SDK2: variants seen among roughly 807,000 people sequenced by gnomAD.
SDK2 encodes sidekick cell adhesion molecule 2.
A neutral mutation model predicts 253.9 loss-of-function variants in SDK2; 105 were observed. That is an observed-to-expected ratio of 0.41 (90% confidence interval 0.35 to 0.49). The LOEUF (loss-of-function observed/expected upper bound fraction) is 0.49, where lower values mean the gene tolerates loss of function less well. Ranked by LOEUF, SDK2 falls within the 20% of genes least tolerant of loss-of-function variation. SDK2 has a pLI of 0.06. For synonymous variants in SDK2, 1,249 were observed against 1,234.9 expected (o/e 1.01, Z -0.24); for missense variants, 2,608 against 3,003.0 (o/e 0.87, Z 3.07).
intron 18 of SDK2, among the ~76,000 whole-genome samples, chr17:73,410,323 G>GTTTC (rs2063115478): frequency 7.9e-5 from 12 of 151,684 alleles, no homozygotes; most frequent in East Asian, 1.9e-4. Context: ...TTGTTTGTTT[G>GTTTC]TTTGTTTTGA....
Position 73,467,210 on chromosome 17 carries a change from T to G in SDK2, c.331+4902A>C, listed in dbSNP as rs1235132657. On this transcript the variant is annotated intron_variant, in intron 3 of 44. Coordinates refer to ENST00000392650, the MANE Select transcript of SDK2 (RefSeq NM_001144952.2). This position sits in a 1 kb window ranked among gnomAD's most constrained non-coding sequence, Gnocchi z 4.1. ...GCCCAGGGCTGTCCCTGATTCTGTC[T>G]GAACTCTGACCCCAGCAGCTCACCC... Among the ~76,000 whole-genome samples the G allele has an allele frequency of 1.3e-5, 2 of 152,094 alleles. No homozygotes were observed. Among genetic ancestry groups the G allele is most frequent in the African/African-American group, 4.8e-5 (2 of 41,420 alleles).
Position 73,352,724 on chromosome 17 carries a change from G to A in SDK2, c.5594-87C>T. On this transcript the variant is annotated intron_variant, in intron 40 of 44. Coordinates refer to ENST00000392650, the MANE Select transcript of SDK2 (RefSeq NM_001144952.2). This position sits in a 1 kb window ranked among gnomAD's most constrained non-coding sequence, Gnocchi z 4.1. ...GCCCCGTTCTGACTATGCTCCCTGA[G>A]GGCTGGGCCTGTTGGATCCTCCCTG... 7.2e-7 allele frequency: 1 copy of A among 1,392,696 alleles called. No individual in the cohort carries two copies. The highest frequency in any genetic ancestry group is 2.4e-5 in the East Asian group (1 of 42,192). The allele number at this position is 1,392,696 out of a possible 1,614,324, so 86.3% of individuals were successfully genotyped here.
Position 73,612,745 on chromosome 17 carries a change from C to T in SDK2, c.64+31280G>A, listed in dbSNP as rs1215649786. Among the ~76,000 whole-genome samples, 1 of 152,014 alleles carries T rather than the reference C, an allele frequency of 6.6e-6. No individual in the cohort carries two copies. Among genetic ancestry groups the T allele is most frequent in the Non-Finnish European group, 1.5e-5 (1 of 68,006 alleles). On this transcript the variant is annotated intron_variant, in intron 1 of 44. Transcript: ENST00000392650. The surrounding 1 kb of genome is among the most constrained non-coding windows in gnomAD (Gnocchi z 4.4). ...AAGCCTGACCAACATGGTGAAACCCCGTCTCTACTAAAAATACAAAAATTA... is the reference window on the plus strand; with the variant it reads ...AAGCCTGACCAACATGGTGAAACCCTGTCTCTACTAAAAATACAAAAATTA...
chr17:73,606,106 A>T (rs767294176), intron 1 of SDK2, among the ~76,000 whole-genome samples: 1 of 151,960 alleles, frequency 6.6e-6, no homozygotes, highest in Non-Finnish European at 1.5e-5. Context: ...CAAAGATTCT[A>T]TTTATTTTGT....
intron 2 of SDK2, among the ~76,000 whole-genome samples, chr17:73,502,526 C>G (rs989381990): frequency 1.3e-5 from 2 of 152,120 alleles, no homozygotes; most frequent in Admixed American, 6.5e-5. Context: ...CTCCACTGGC[C>G]AAATTTAGGT....
At chr17:73,462,234 T>C (rs1193111581) in intron 3 of SDK2, among the ~76,000 whole-genome samples, 1 of 152,126 alleles carries the variant, frequency 6.6e-6, no homozygotes, top group Non-Finnish European at 1.5e-5. Context: ...TAGATGGTTG[T>C]ATGTATGTAC....
chr17:73,401,680 G>T lies in SDK2; in HGVS notation c.2753C>A (p.Pro918Gln). ...DTSLKVSWQEPGEKNGILTGY... is the reference protein window; with the variant it reads ...DTSLKVSWQEQGEKNGILTGY... ...TGTGAGGATGCCATTTTTCTCTCCC[G>T]GCTCTTGCCAGCTGACCTTCAGCGA... Residue 918 changes from proline (P) to glutamine (Q), a missense_variant, in exon 20 of 45, where the codon CCG becomes CAG. Transcript: ENST00000392650. 1 of 1,594,458 alleles carries T rather than the reference G, an allele frequency of 6.3e-7. No individual in the cohort carries two copies. The highest frequency in any genetic ancestry group is 1.3e-5 in the African/African-American group (1 of 74,772).
chr17:73,644,421 C>T lies in SDK2; in HGVS notation c.-333G>A, dbSNP rs1012467214. On this transcript the variant is annotated 5_prime_UTR_variant, in exon 1 of 45. Transcript: ENST00000392650. The surrounding 1 kb of genome is among the most constrained non-coding windows in gnomAD (Gnocchi z 6.3). The stretch of plus-strand genomic sequence containing the variant: ...AACAGGGCGGCCTCTGCGATCCGGC[C>T]GGGTCGCCGGCCGAGCTCCGGAATA... Among the ~76,000 whole-genome samples, 10 of 152,124 alleles carry T rather than the reference C, an allele frequency of 6.6e-5. No homozygotes were observed. The highest frequency in any genetic ancestry group is 1.3e-4 in the Non-Finnish European group (9 of 68,004).
At position 73,435,226 on chromosome 17, in the gene SDK2, C is replaced by T. The variant is rs1567770991; in HGVS notation, c.1195+224G>A. Among the ~76,000 whole-genome samples, 1 of 152,204 alleles carries T rather than the reference C, an allele frequency of 6.6e-6. No homozygotes were observed. On this transcript the variant is annotated intron_variant, in intron 9 of 44. Transcript: ENST00000392650. The surrounding 1 kb of genome is among the most constrained non-coding windows in gnomAD (Gnocchi z 5.7). Reference sequence around the variant, plus strand: ...CTGGGCCCCAGGACATTGGAGAGAACTTCTAGGGACCAGAGATTTCCTCCA... The same window carrying T: ...CTGGGCCCCAGGACATTGGAGAGAATTTCTAGGGACCAGAGATTTCCTCCA...
chr17:73,463,285 T>C (rs1207015275), intron 3 of SDK2, among the ~76,000 whole-genome samples: 2 of 152,228 alleles, frequency 1.3e-5, no homozygotes, highest in Non-Finnish European at 2.9e-5. Context: ...TGCTGAAAAT[T>C]ATTCCTGATG....
At position 73,618,162 on chromosome 17, in the gene SDK2, A is replaced by T. The variant is rs1460214089; in HGVS notation, c.64+25863T>A. ...TAGATAGGTTTCCTTACCTGCAGGTAGGGAAATGGTAATTTGCTAACCCAA... is the reference window on the plus strand; with the variant it reads ...TAGATAGGTTTCCTTACCTGCAGGTTGGGAAATGGTAATTTGCTAACCCAA... On this transcript the variant is annotated intron_variant, in intron 1 of 44. Transcript: ENST00000392650. The surrounding 1 kb of genome is among the most constrained non-coding windows in gnomAD (Gnocchi z 4.1). Among the ~76,000 whole-genome samples, 1 of 152,230 alleles carries T rather than the reference A, an allele frequency of 6.6e-6. No individual in the cohort carries two copies. The highest frequency in any genetic ancestry group is 2.4e-5 in the African/African-American group (1 of 41,460).
chr17:73,526,966 G>A (rs149337942), intron 1 of SDK2, among the ~76,000 whole-genome samples: 322 of 152,364 alleles, frequency 2.1e-3, no homozygotes, highest in Non-Finnish European at 3.2e-3. Context: ...GCAACACAAA[G>A]AGGTGTAGAC....
chr17:73,377,174 T>C (rs1397426203), intron 36 of SDK2, among the ~76,000 whole-genome samples: 1 of 150,080 alleles, frequency 6.7e-6, no homozygotes, highest in Non-Finnish European at 1.5e-5. Flanking sequence ...CTAAGGGTTA[T>C]GTGTTCCAGC....
chr17:73,590,584 TG>T (rs2045667325), intron 1 of SDK2, among the ~76,000 whole-genome samples: 1 of 152,208 alleles, frequency 6.6e-6, no homozygotes, highest in South Asian at 2.1e-4. Flanking sequence ...ACCCTGAGAA[TG>T]ACCCTGGGTG....
At chr17:73,356,405 C>T (rs1160595026) in intron 40 of SDK2, among the ~76,000 whole-genome samples, 1 of 152,294 alleles carries the variant, frequency 6.6e-6, no homozygotes, top group African/African-American at 2.4e-5. Flanking sequence ...GGCTGATGTG[C>T]AGGACGGGTT....
intron 1 of SDK2, among the ~76,000 whole-genome samples, chr17:73,607,771 G>A: frequency 6.6e-6 from 1 of 152,078 alleles, no homozygotes; most frequent in Non-Finnish European, 1.5e-5. Context: ...CTAAGCTTCT[G>A]TAGAAAAGGC....
chr17:73,521,398 A>T (rs1567820541), intron 1 of SDK2: 3 of 152,146 alleles, frequency 2.0e-5, no homozygotes, highest in African/African-American at 4.8e-5. Flanking sequence ...AATAAAAAAC[A>T]TACAATGGGT....
chr17:73,415,783 C>G (rs1568391696), intron 17 of SDK2, 28 bp downstream of exon 17: 1 of 1,542,770 alleles, frequency 6.5e-7, no homozygotes, highest in Non-Finnish European at 8.8e-7. Flanking sequence ...GCCACCGCGC[C>G]TGGTCTGAGA....
In SDK2 at chr17:73,338,408, G is replaced by A. The variant is rs1325887989; in HGVS notation, c.*179C>T. ...CTGCTGGCCACACACATCCTCTCAC[G>A]GTTTTCTCCCTCCTTCTGAACGCCG... is the stretch of plus-strand genomic sequence containing the variant. On this transcript the variant is annotated 3_prime_UTR_variant, in exon 45 of 45. Coordinates refer to ENST00000392650, the MANE Select transcript of SDK2 (RefSeq NM_001144952.2). This position sits in a 1 kb window ranked among gnomAD's most constrained non-coding sequence, Gnocchi z 5.0. The A allele has an allele frequency of 5.7e-6, 4 of 698,026 alleles. No individual in the cohort carries two copies. The highest frequency in any genetic ancestry group is 1.8e-5 in the African/African-American group (1 of 57,090). The allele number at this position is 698,026 out of a possible 1,614,324, so 43.2% of individuals were successfully genotyped here. A position where few individuals can be genotyped will look rare whatever the true frequency, so the allele number is the denominator to read the frequency against.
Sources: gnomAD v4.1 joint callset for allele counts (sites outside exome capture counted in the v4.1 genomes callset) on GRCh38, gnomAD v4.1.1 for gene constraint, Gnocchi (gnomAD v3.1) non-coding constraint, MANE v1.5 for transcripts, NCBI Gene and HGNC (gene_info 2026-07-23, HGNC 2026-07-21) for gene names.